The following NRXN1 variants were observed in gnomAD, a reference collection of about 807,000 sequenced individuals.
NRXN1 encodes the protein neurexin 1, also known as neurexin-1.
In NRXN1, 39 loss-of-function variants were observed where a neutral mutation model predicts 150.9. That is an observed-to-expected ratio of 0.26 (90% CI 0.20 to 0.34). NRXN1 has a LOEUF of 0.34. NRXN1 is among the 10% of genes least tolerant of loss of function. The pLI is 1.00. For missense variants in NRXN1, 1,815 were observed against 1,949.9 expected, an observed-to-expected ratio of 0.93 and a Z score of 1.30; for synonymous variants, 924 against 757.0, an observed-to-expected ratio of 1.22 and a Z score of -3.62.
At chr2:50,733,250 G>GA (rs1434201089) in intron 5 of NRXN1, among the ~76,000 whole-genome samples, 2 of 152,058 alleles carry the variant, frequency 1.3e-5, no homozygotes, top group East Asian at 1.9e-4. Flanking sequence ...TACACTTATA[G>GA]AAAAATTAAA....
chr2:50,624,344 C>T (rs1680603093), intron 5 of NRXN1, among the ~76,000 whole-genome samples: 1 of 152,038 alleles, frequency 6.6e-6, no homozygotes, highest in African/African-American at 2.4e-5. Flanking sequence ...TGTGATATCT[C>T]CAGGGCATGA....
Position 50,028,034 on chromosome 2 carries a change from T to C in NRXN1, c.4128+25237A>G, listed in dbSNP as rs1185793636. On this transcript the variant is annotated intron_variant, in intron 21 of 22. Coordinates refer to ENST00000401669, the MANE Select transcript of NRXN1 (RefSeq NM_001330078.2). The stretch of plus-strand genomic sequence containing the variant: ...ATAAGTACTGAGAGCACAGGTTAAA[T>C]GCAAAGGTGAGAGAGGCTGTGGAGA... 2.0e-5 allele frequency among the ~76,000 whole-genome samples: 3 copies of C among 151,620 alleles called. No individual in the cohort carries two copies. The East Asian group carries it at 5.8e-4, about 29-fold the overall frequency.
intron 17 of NRXN1, among the ~76,000 whole-genome samples, chr2:50,303,406 C>T (rs1042879083): frequency 1.3e-5 from 2 of 152,130 alleles, no homozygotes; most frequent in African/African-American, 2.4e-5. Context: ...TTAATTGAAA[C>T]TCATGTAAGT....
chr2:50,625,029 T>C (rs750603260), intron 5 of NRXN1: 2 of 152,006 alleles, frequency 1.3e-5, no homozygotes, highest in Non-Finnish European at 2.9e-5. Context: ...TATAAACATA[T>C]AATTATAAAC....
intron 17 of NRXN1, among the ~76,000 whole-genome samples, chr2:50,266,312 G>A (rs2152918607): frequency 6.7e-6 from 1 of 149,764 alleles, no homozygotes; most frequent in East Asian, 2.0e-4. Flanking sequence ...GATCAATTTT[G>A]AGATCACTTG....
chr2:50,920,016 G>A, intron 5 of NRXN1: 1 of 394,710 alleles, frequency 2.5e-6, no homozygotes, highest in South Asian at 1.9e-5. Context: ...TCTGCAATTA[G>A]AGAAGACTTA....
rs879321307 is a variant in NRXN1 at position 51,024,725 on chromosome 2, T to C, written c.772+2777A>G. On this transcript the variant is annotated intron_variant, in intron 2 of 22. Transcript: ENST00000401669. ...TAGTCTTACTTTTTAGTAGTTCTTATTGTATTTTAAACATGAAGGCAGTTA... is the reference window on the plus strand; with the variant it reads ...TAGTCTTACTTTTTAGTAGTTCTTACTGTATTTTAAACATGAAGGCAGTTA... Among the ~76,000 whole-genome samples, 20 of 152,170 alleles carry C rather than the reference T, an allele frequency of 1.3e-4. 1 individual carries two copies. Among genetic ancestry groups the C allele is most frequent in the South Asian group, 4.1e-4 (2 of 4,834 alleles).
chr2:50,056,338 T>C (rs1333505848), intron 19 of NRXN1, among the ~76,000 whole-genome samples: 1 of 152,124 alleles, frequency 6.6e-6, no homozygotes, highest in Non-Finnish European at 1.5e-5. Context: ...TTACACACTT[T>C]TGGAGAGATA....
chr2:50,759,994 G>A (rs1026937295), intron 5 of NRXN1, among the ~76,000 whole-genome samples: 1 of 151,696 alleles, frequency 6.6e-6, no homozygotes, highest in African/African-American at 2.4e-5. Context: ...CTGCCCCTCG[G>A]AGAATTACAG....
chr2:50,455,456 C>A (rs771658009), intron 17 of NRXN1, among the ~76,000 whole-genome samples: 4 of 152,088 alleles, frequency 2.6e-5, no homozygotes, highest in Non-Finnish European at 5.9e-5. Context: ...ATTTTAAAAT[C>A]CTTAGGTTTT....
chr2:50,649,182 T>A (rs1203680309), intron 5 of NRXN1, among the ~76,000 whole-genome samples: 1 of 130,600 alleles, frequency 7.7e-6, no homozygotes, highest in Non-Finnish European at 1.7e-5. Flanking sequence ...GTTTGAATTA[T>A]GTATTAGTTG....
intron 5 of NRXN1, among the ~76,000 whole-genome samples, chr2:50,735,695 A>G (rs1252322317): frequency 1.3e-5 from 2 of 152,146 alleles, no homozygotes; most frequent in Non-Finnish European, 2.9e-5. Flanking sequence ...AATTAGTCCC[A>G]TACCCAAATG....
intron 18 of NRXN1, among the ~76,000 whole-genome samples, chr2:50,146,060 T>C (rs774758893): frequency 9.9e-5 from 15 of 151,638 alleles, no homozygotes; most frequent in Non-Finnish European, 2.1e-4. Flanking sequence ...ATCGGCTAAA[T>C]TGACAATCAG....
At chr2:50,286,550 T>C (rs2072206800) in intron 17 of NRXN1, among the ~76,000 whole-genome samples, 1 of 152,160 alleles carries the variant, frequency 6.6e-6, no homozygotes, top group South Asian at 2.1e-4. Context: ...GTAGAAAATT[T>C]ATGTAAAGCA....
intron 5 of NRXN1, among the ~76,000 whole-genome samples, chr2:50,811,093 A>T (rs1668153817): frequency 6.6e-6 from 1 of 152,202 alleles, no homozygotes; most frequent in Admixed American, 6.5e-5. Flanking sequence ...ATATATAATG[A>T]TCACATTTTA....
At chr2:50,145,635 C>T (rs1020587) in intron 18 of NRXN1, among the ~76,000 whole-genome samples, 126,013 of 151,486 alleles carry the variant, frequency 0.83, 52,830 homozygotes, top group African/African-American at 0.94. Context: ...TGCGTAGGCT[C>T]TTAGCTGTGT....
chr2:50,012,200 T>C (rs1420573155), intron 21 of NRXN1, among the ~76,000 whole-genome samples: 1 of 152,086 alleles, frequency 6.6e-6, no homozygotes, highest in Admixed American at 6.6e-5. Flanking sequence ...ATCCATGTCT[T>C]GATCAAAACA....
chr2:50,729,883 T>G (rs1697873603), intron 5 of NRXN1, among the ~76,000 whole-genome samples: 1 of 152,188 alleles, frequency 6.6e-6, no homozygotes, highest in Admixed American at 6.5e-5. Flanking sequence ...TGTGGATCCC[T>G]CACACTCACA....
intron 21 of NRXN1, among the ~76,000 whole-genome samples, chr2:49,960,396 T>C (rs1218787601): frequency 1.3e-5 from 2 of 152,206 alleles, no homozygotes; most frequent in African/African-American, 4.8e-5. Context: ...ATCTCACCAG[T>C]GTGGCTGCTC....
Sources: allele counts gnomAD v4.1 joint callset (sites outside exome capture counted in the v4.1 genomes callset), GRCh38; gene constraint gnomAD v4.1.1; transcripts MANE v1.5; gene names NCBI Gene and HGNC (gene_info 2026-07-23, HGNC 2026-07-21).